The following BNC2 variants were observed in gnomAD, a reference collection of about 807,000 sequenced individuals.
The protein encoded by BNC2 is zinc finger protein basonuclin-2.
Under a neutral mutation model 76.3 loss-of-function variants are expected in BNC2, and 20 were observed. The observed-to-expected ratio is 0.26, with a 90% CI of 0.18 to 0.38. The LOEUF (loss-of-function observed/expected upper bound fraction) is 0.38, where lower values mean the gene tolerates loss of function less well. Among genes scored for constraint, BNC2 ranks in the 10% least tolerant of loss-of-function variants. The pLI is 1.00. For missense variants in BNC2, 1,382 were observed against 1,399.8 expected (o/e 0.99, Z 0.20); for synonymous variants, 582 against 514.8 (o/e 1.13, Z -1.77).
chr9:16,701,867 G>A (rs1050455249), intron 3 of BNC2, among the ~76,000 whole-genome samples: 7 of 150,534 alleles, frequency 4.7e-5, no homozygotes, highest in Non-Finnish European at 7.4e-5. Context: ...ACTTGAACCC[G>A]GGAGGCGGAG....
chr9:16,421,431 C>G, intron 6 of BNC2: 1 of 425,102 alleles, frequency 2.4e-6, no homozygotes, highest in Non-Finnish European at 4.2e-6. Context: ...GGATTTAAAA[C>G]GTTCTGATCA....
intron 1 of BNC2, among the ~76,000 whole-genome samples, chr9:16,813,507 C>T (rs1416454371): frequency 6.6e-6 from 1 of 151,974 alleles, no homozygotes; most frequent in Non-Finnish European, 1.5e-5. Context: ...CCTCATGATC[C>T]GCCCACCTCA....
At chr9:16,757,498 G>A (rs892024461) in intron 1 of BNC2, among the ~76,000 whole-genome samples, 11 of 152,092 alleles carry the variant, frequency 7.2e-5, no homozygotes, top group East Asian at 1.9e-4. Flanking sequence ...GACAGAAATC[G>A]AAATGTGAGA....
intron 1 of BNC2, among the ~76,000 whole-genome samples, chr9:16,756,842 T>G (rs1825396375): frequency 6.6e-6 from 1 of 151,888 alleles, no homozygotes; most frequent in Non-Finnish European, 1.5e-5. Context: ...ACAAAAAAAA[T>G]TAACCGGGCA....
At chr9:16,742,675 T>C (rs7042309) in intron 1 of BNC2, among the ~76,000 whole-genome samples, 7,760 of 152,274 alleles carry the variant, frequency 0.051, 680 homozygotes, top group African/African-American at 0.18. Flanking sequence ...TCTTTGAGCT[T>C]CGTGGTCTCC....
rs1587000279 is a variant in BNC2 at position 16,413,228 on chromosome 9, A to G, written c.*5761T>C. On this transcript the variant is annotated 3_prime_UTR_variant, in exon 7 of 7. Transcript: ENST00000380672. ...TGCAGTAAAGGTCAAATGAATTTAC[A>G]ACAGCACTTTAGAGGAGAAGAATAA... 1 of 152,252 alleles carries G rather than the reference A, an allele frequency of 6.6e-6. No homozygotes were observed. 9.4% of individuals were successfully genotyped at this position (152,252 alleles called of 1,614,324 possible). A position where few individuals can be genotyped will look rare whatever the true frequency, so the allele number is the denominator to read the frequency against.
At chr9:16,681,234 G>A (rs1822811673) in intron 3 of BNC2, among the ~76,000 whole-genome samples, 1 of 152,206 alleles carries the variant, frequency 6.6e-6, no homozygotes, top group Admixed American at 6.5e-5. Context: ...TTCAATTACT[G>A]AGAGGTAGAT....
At chr9:16,689,054 G>C (rs1175633389) in intron 3 of BNC2, among the ~76,000 whole-genome samples, 1 of 151,382 alleles carries the variant, frequency 6.6e-6, no homozygotes, top group Non-Finnish European at 1.5e-5. Flanking sequence ...TGTCAAAAGG[G>C]CTTCCAGAAA....
intron 1 of BNC2, among the ~76,000 whole-genome samples, chr9:16,772,480 A>G (rs1039734882): frequency 6.6e-6 from 1 of 152,190 alleles, no homozygotes; most frequent in Admixed American, 6.5e-5. Flanking sequence ...TTAAGTCATC[A>G]TATAGTAGTT....
At chr9:16,606,659 G>A (rs539205603) in intron 3 of BNC2, among the ~76,000 whole-genome samples, 1 of 152,078 alleles carries the variant, frequency 6.6e-6, no homozygotes, top group East Asian at 2.0e-4. Context: ...CCAGCCTCAA[G>A]CAATTCTCCA....
chr9:16,722,981 C>G (rs982906165), intron 3 of BNC2, among the ~76,000 whole-genome samples: 3 of 152,070 alleles, frequency 2.0e-5, no homozygotes, highest in Admixed American at 6.6e-5. Context: ...AGACAATATA[C>G]TGAGAATTAT....
intron 3 of BNC2, among the ~76,000 whole-genome samples, chr9:16,585,229 T>C (rs922847475): frequency 1.3e-5 from 2 of 152,136 alleles, no homozygotes; most frequent in Non-Finnish European, 2.9e-5. Flanking sequence ...GTGTATTTAT[T>C]TTTTTTACTG....
chr9:16,750,145 C>T (rs12344698), intron 1 of BNC2, among the ~76,000 whole-genome samples: 22,600 of 151,882 alleles, frequency 0.15, 2,426 homozygotes, highest in African/African-American at 0.28. Flanking sequence ...AAAGAATCTA[C>T]GAGAACTGAT....
intron 1 of BNC2, among the ~76,000 whole-genome samples, chr9:16,818,355 C>G (rs1043443941): frequency 3.9e-5 from 6 of 152,140 alleles, no homozygotes; most frequent in East Asian, 1.9e-4. Flanking sequence ...AGTGAGCCGA[C>G]ATGGCGCCAC....
intron 3 of BNC2, among the ~76,000 whole-genome samples, chr9:16,605,784 C>CTTTTTT (rs34431220): frequency 5.4e-5 from 6 of 110,758 alleles, no homozygotes; most frequent in Admixed American, 9.4e-5. Flanking sequence ...TTCAAGAATT[C>CTTTTTT]TTTTTTTTTT....
chr9:16,707,429 A>T (rs1647451402), intron 3 of BNC2, among the ~76,000 whole-genome samples: 1 of 152,186 alleles, frequency 6.6e-6, no homozygotes, highest in Admixed American at 6.5e-5. Context: ...ATATCAAGTT[A>T]ATCAACACAG....
intron 3 of BNC2, among the ~76,000 whole-genome samples, chr9:16,668,469 G>T (rs1030908173): frequency 6.6e-6 from 1 of 152,188 alleles, no homozygotes; most frequent in Admixed American, 6.5e-5. Flanking sequence ...ATACATGAGT[G>T]AATATTCTGA....
chr9:16,677,849 T>C (rs747740293), intron 3 of BNC2, among the ~76,000 whole-genome samples: 10 of 152,166 alleles, frequency 6.6e-5, no homozygotes, highest in African/African-American at 1.7e-4. Context: ...CAAGGTTCAA[T>C]TGCTTTCTTT....
At chr9:16,802,704 C>T (rs999548065) in intron 1 of BNC2, among the ~76,000 whole-genome samples, 11 of 152,190 alleles carry the variant, frequency 7.2e-5, no homozygotes, top group Non-Finnish European at 1.5e-4. Context: ...TGTAAGAACA[C>T]ACTATTTGAA....
Sources: gnomAD v4.1 joint callset for allele counts (sites outside exome capture counted in the v4.1 genomes callset) on GRCh38, gnomAD v4.1.1 for gene constraint, MANE v1.5 for transcripts, NCBI Gene and HGNC (gene_info 2026-07-23, HGNC 2026-07-21) for gene names.